KLHL20: variants seen among roughly 807,000 people sequenced by gnomAD.
KLHL20 encodes kelch-like protein 20.
In KLHL20, 29 loss-of-function variants were observed where a neutral mutation model predicts 69.5. That is an observed-to-expected ratio of 0.42 (90% CI 0.31 to 0.57). KLHL20 has a LOEUF of 0.57. KLHL20 is among the 20% of genes least tolerant of loss of function. The pLI is 0.18. For missense variants in KLHL20, 419 were observed against 776.0 expected, an observed-to-expected ratio of 0.54 and a Z score of 5.47; for synonymous variants, 253 against 265.2, an observed-to-expected ratio of 0.95 and a Z score of 0.45.
At chr1:173,722,653 A>G (rs1370511871) in intron 2 of KLHL20, among the ~76,000 whole-genome samples, 1 of 151,760 alleles carries the variant, frequency 6.6e-6, no homozygotes, top group East Asian at 1.9e-4. Flanking sequence ...ATACTGATGC[A>G]GTAATAAGAG....
chr1:173,735,323 T>A (rs1672476367), intron 3 of KLHL20, among the ~76,000 whole-genome samples: 1 of 151,888 alleles, frequency 6.6e-6, no homozygotes, highest in African/African-American at 2.4e-5. Context: ...GCGTGCACCC[T>A]TAGTCCCAGC....
intron 2 of KLHL20, among the ~76,000 whole-genome samples, chr1:173,727,590 A>G (rs1244441789): frequency 6.6e-6 from 1 of 152,244 alleles, no homozygotes; most frequent in Admixed American, 6.5e-5. Context: ...AGTGGGGGCC[A>G]ATATTCAACA....
chr1:173,780,308 C>A (rs998317968), intron 10 of KLHL20, among the ~76,000 whole-genome samples: 1 of 152,136 alleles, frequency 6.6e-6, no homozygotes, highest in Admixed American at 6.5e-5. Context: ...ATGTTTACAG[C>A]TAACTATAAT....
At chr1:173,755,849 T>C in intron 5 of KLHL20, 74 bp from the exon 6 acceptor site, 1 of 965,654 alleles carries the variant, frequency 1.0e-6, no homozygotes, top group East Asian at 2.5e-5. Context: ...AACCTATATA[T>C]TCCTAAACTA....
rs543347355 is a variant in KLHL20, at chr1:173,757,887, C to T, written c.1151+728C>T. Among the ~76,000 whole-genome samples, 5 of 152,276 alleles carry T rather than the reference C, an allele frequency of 3.3e-5. No homozygotes were observed. In the South Asian group the frequency reaches 1.0e-3, roughly 32 times the overall value. On this transcript the variant is annotated intron_variant, in intron 7 of 11. Transcript: ENST00000209884. Reference sequence around the variant, plus strand: ...TAATATCTATCGCAGTGACTGGGCACATTGGGAATCTCTAGTAACTGATGT... The same window carrying T: ...TAATATCTATCGCAGTGACTGGGCATATTGGGAATCTCTAGTAACTGATGT...
chr1:173,753,156 G>C lies in KLHL20; in HGVS notation c.757-57G>C, dbSNP rs1673387025. ...CCACTGTACTCCAGCCTAGGCAACA[G>C]AGTAAGACCTATCTCAAAATTAATT... On this transcript the variant is annotated intron_variant, in intron 4 of 11. Coordinates refer to ENST00000209884, the MANE Select transcript of KLHL20 (RefSeq NM_014458.4). 7 of 1,391,742 alleles carry C rather than the reference G, an allele frequency of 5.0e-6. 1 individual carries two copies. The South Asian group carries it at 7.2e-5, about 14-fold the overall frequency. 86.2% of individuals were successfully genotyped at this position (1,391,742 alleles called of 1,614,324 possible).
chr1:173,773,272 T>C (rs1265833111), intron 8 of KLHL20, among the ~76,000 whole-genome samples: 1 of 143,062 alleles, frequency 7.0e-6, no homozygotes, highest in East Asian at 2.0e-4. Context: ...ACACACAGCC[T>C]TTTTTTTTTT....
chr1:173,738,021 C>T (rs1337772292), intron 3 of KLHL20, among the ~76,000 whole-genome samples: 2 of 150,016 alleles, frequency 1.3e-5, no homozygotes, highest in South Asian at 2.1e-4. Flanking sequence ...GGTTGCTCTT[C>T]GTGTATAGCA....
intron 3 of KLHL20, among the ~76,000 whole-genome samples, chr1:173,736,501 C>A (rs1416502822): frequency 6.6e-6 from 1 of 152,010 alleles, no homozygotes; most frequent in African/African-American, 2.4e-5. Flanking sequence ...TTTAAGAAAT[C>A]TCCATATACT....
chr1:173,718,923 T>A (rs1571842190), intron 2 of KLHL20, among the ~76,000 whole-genome samples: 1 of 151,552 alleles, frequency 6.6e-6, no homozygotes. Flanking sequence ...GCTAACACGG[T>A]GAAACCCCGT....
intron 2 of KLHL20, among the ~76,000 whole-genome samples, chr1:173,732,906 G>A (rs972541951): frequency 9.2e-5 from 14 of 151,888 alleles, no homozygotes; most frequent in Admixed American, 9.2e-4. Context: ...ATCTTGACCT[G>A]GAGGCTCTTT....
Position 173,778,941 on chromosome 1 carries a change from C to G in KLHL20, c.1638+3099C>G, listed in dbSNP as rs1264335919. On this transcript the variant is annotated intron_variant, in intron 10 of 11. Transcript: ENST00000209884. ...TAATTGATCTTTTGTGTTTTTTTCACTTAAATTTCATTAATTTCTGCTCTG... is the reference window on the plus strand; with the variant it reads ...TAATTGATCTTTTGTGTTTTTTTCAGTTAAATTTCATTAATTTCTGCTCTG... Among the ~76,000 whole-genome samples, 3 of 151,752 alleles carry G rather than the reference C, an allele frequency of 2.0e-5. No individual in the cohort carries two copies. In the East Asian group the frequency reaches 5.8e-4, roughly 29 times the overall value.
intron 10 of KLHL20, chr1:173,781,864 T>A: frequency 3.4e-6 from 1 of 292,914 alleles, no homozygotes; most frequent in Non-Finnish European, 6.5e-6. Context: ...GGTTGTTTGC[T>A]CACTTCTAGT....
At chr1:173,781,607 A>G (rs1256683232) in intron 10 of KLHL20, among the ~76,000 whole-genome samples, 1 of 152,054 alleles carries the variant, frequency 6.6e-6, no homozygotes, top group Non-Finnish European at 1.5e-5. Context: ...GAAAGTGACA[A>G]TATGATTAGA....
Position 173,734,201 on chromosome 1 carries a change from T to G in KLHL20, c.512T>G (p.Leu171Arg). 6.2e-7 allele frequency: 1 copy of G among 1,614,220 alleles called. No homozygotes were observed. The highest frequency in any genetic ancestry group is 8.5e-7 in the Non-Finnish European group (1 of 1,180,040). ...LKRQLDPSNC[L>R]GIRAFADTHS... ...AGACAATTAGATCCTTCTAACTGCC[T>G]GGGCATTCGGGCTTTTGCTGACACA... Residue 171 changes from leucine to arginine, a missense_variant, in exon 3 of 12, where the codon CTG (leucine) becomes CGG (arginine). Leu to Arg is a moderately radical substitution (Grantham distance 102). Around this residue, in one of 6 missense-constraint regions of KLHL20, gnomAD observed 99 missense variants for 240.7 expected, o/e 0.41. Transcript: ENST00000209884.
At chr1:173,718,663 G>C (rs974218055) in intron 2 of KLHL20, among the ~76,000 whole-genome samples, 2 of 152,110 alleles carry the variant, frequency 1.3e-5, no homozygotes, top group African/African-American at 4.8e-5. Flanking sequence ...AGGAGTTCGA[G>C]GCTGTGGTGA....
Position 173,785,241 on chromosome 1 carries a change from T to C in KLHL20, c.1824T>C (p.Ile608=). The change falls in exon 12 of 12, where the codon ATT becomes ATC. Residue 608 remains isoleucine (I), a synonymous_variant. Coordinates refer to ENST00000209884, the MANE Select transcript of KLHL20 (RefSeq NM_014458.4). ...AAATGACACATTGTGAATCCCATAT[T>C]TGGTGAACACAGAGAAGACAGTCTT... ...VIKMTHCESH[I]W is the part of the protein sequence containing the mutation. The C allele has an allele frequency of 6.2e-7, 1 of 1,609,608 alleles. No homozygotes were observed. Among genetic ancestry groups the C allele is most frequent in the Admixed American group, 1.7e-5 (1 of 59,346 alleles).
intron 2 of KLHL20, among the ~76,000 whole-genome samples, chr1:173,725,951 C>T (rs1324898196): frequency 1.3e-5 from 2 of 152,204 alleles, no homozygotes; most frequent in Non-Finnish European, 2.9e-5. Context: ...GGCGAGGCAT[C>T]ACCTCACCCA....
intron 7 of KLHL20, among the ~76,000 whole-genome samples, chr1:173,757,614 G>A (rs1019512062): frequency 1.4e-5 from 2 of 147,444 alleles, no homozygotes; most frequent in Non-Finnish European, 3.0e-5. Context: ...GCAGTGAGCC[G>A]AGATCACGCC....
Sources: gnomAD v4.1 joint callset for allele counts (sites outside exome capture counted in the v4.1 genomes callset) on GRCh38, gnomAD v4.1.1 for gene constraint, gnomAD v4.1.1 regional missense constraint, MANE v1.5 for transcripts, NCBI Gene and HGNC (gene_info 2026-07-23, HGNC 2026-07-21) for gene names.